BRI3BP: variants seen among roughly 807,000 people sequenced by gnomAD.
The protein encoded by BRI3BP is BRI3 binding protein.
BRI3BP carries 7 observed loss-of-function variants against 15.8 expected under a neutral mutation model. The observed-to-expected ratio is 0.44, with a 90% CI of 0.25 to 0.83. BRI3BP has a LOEUF of 0.83. Among genes scored for constraint, BRI3BP ranks in the 40% least tolerant of loss-of-function variants. BRI3BP has a pLI of 0.20. For missense variants in BRI3BP, 320 were observed against 339.3 expected, an observed-to-expected ratio of 0.94 and a Z score of 0.45; for synonymous variants, 192 against 163.5, an observed-to-expected ratio of 1.17 and a Z score of -1.33.
the BRI3BP span, among the ~76,000 whole-genome samples, chr12:125,047,931 A>C: frequency 6.6e-6 from 1 of 150,682 alleles, no homozygotes; most frequent in African/African-American, 2.4e-5. Context: ...CCCTGACCTC[A>C]GGTGAACTGC....
rs1471404796 is a variant in BRI3BP, at chr12:124,999,712, G to C, written c.213+5709G>C. Among the ~76,000 whole-genome samples the C allele has an allele frequency of 4.7e-5, 7 of 150,316 alleles. 1 individual carries two copies. In the Admixed American group the frequency reaches 4.7e-4, roughly 10 times the overall value. On this transcript the variant is annotated intron_variant, in intron 1 of 2. Coordinates refer to ENST00000341446, the MANE Select transcript of BRI3BP (RefSeq NM_080626.6). Reference sequence around the variant, plus strand: ...GGCTCACTGCAAGCTCCACCTCCTGGGTTCATGCCATTCTTCTGCTTCAGC... The same window carrying C: ...GGCTCACTGCAAGCTCCACCTCCTGCGTTCATGCCATTCTTCTGCTTCAGC...
chr12:125,048,034 A>G, the BRI3BP span, among the ~76,000 whole-genome samples: 1 of 134,390 alleles, frequency 7.4e-6, no homozygotes, highest in Non-Finnish European at 1.7e-5. Context: ...AAAAAAAAAA[A>G]AGATTTTAAG....
chr12:125,018,981 C>T (rs1459165318), intron 2 of BRI3BP, among the ~76,000 whole-genome samples: 1 of 152,124 alleles, frequency 6.6e-6, no homozygotes, highest in Non-Finnish European at 1.5e-5. Flanking sequence ...GCCTCGGCCT[C>T]CTGAGTAGCT....
intron 1 of BRI3BP, among the ~76,000 whole-genome samples, chr12:125,008,975 G>GA (rs146674245): frequency 4.8e-5 from 7 of 146,188 alleles, no homozygotes; most frequent in East Asian, 4.0e-4. Flanking sequence ...ACACTCCTAT[G>GA]AAAATTTTTT....
At chr12:125,043,496 C>T in the BRI3BP span, among the ~76,000 whole-genome samples, 1 of 152,000 alleles carries the variant, frequency 6.6e-6, no homozygotes, top group Non-Finnish European at 1.5e-5. Context: ...AGGCCAAGGC[C>T]CAGGAATTCG....
intron 2 of BRI3BP, among the ~76,000 whole-genome samples, chr12:125,024,387 A>G (rs1955329422): frequency 6.6e-6 from 1 of 152,078 alleles, no homozygotes; most frequent in Admixed American, 6.6e-5. Flanking sequence ...GGGAGCACAG[A>G]GCCAGTCCAT....
chr12:125,036,502 A>T, the BRI3BP span, among the ~76,000 whole-genome samples: 2 of 152,202 alleles, frequency 1.3e-5, no homozygotes, highest in Admixed American at 6.6e-5. Context: ...AATGTAGATA[A>T]TGCTAGGTTT....
At chr12:125,019,184 A>G (rs11615393) in intron 2 of BRI3BP, among the ~76,000 whole-genome samples, 11,273 of 152,168 alleles carry the variant, frequency 0.074, 474 homozygotes, top group Admixed American at 0.11. Context: ...CTACTTGGCC[A>G]TGGCAGCGCT....
chr12:124,999,395 A>G (rs1193793514), intron 1 of BRI3BP, among the ~76,000 whole-genome samples: 1 of 151,978 alleles, frequency 6.6e-6, no homozygotes, highest in Non-Finnish European at 1.5e-5. Flanking sequence ...GTTTTTGTTT[A>G]TTTTGCACTA....
At chr12:125,022,504 G>A (rs1475148053) in intron 2 of BRI3BP, among the ~76,000 whole-genome samples, 1 of 45,234 alleles carries the variant, frequency 2.2e-5, no homozygotes, top group African/African-American at 2.5e-4. Flanking sequence ...GATGTTATAT[G>A]GAATTGTTAA....
chr12:125,043,523 G>A, the BRI3BP span, among the ~76,000 whole-genome samples: 7 of 152,008 alleles, frequency 4.6e-5, no homozygotes, highest in East Asian at 1.4e-3. Context: ...GCCTGGGCAA[G>A]ATAATGAGAC....
At chr12:125,000,839 T>C (rs1281581672) in intron 1 of BRI3BP, among the ~76,000 whole-genome samples, 2 of 152,182 alleles carry the variant, frequency 1.3e-5, no homozygotes, top group African/African-American at 4.8e-5. Flanking sequence ...GTCTTAATAC[T>C]TTTTCCTACA....
At chr12:125,035,026 T>G (rs1308233343), downstream of BRI3BP, among the ~76,000 whole-genome samples, 2 of 152,240 alleles carry the variant, frequency 1.3e-5, no homozygotes, top group Admixed American at 6.5e-5. Context: ...TAGTTCACTC[T>G]TTTTCATTGC....
At chr12:125,008,852 A>G (rs1955171895) in intron 1 of BRI3BP, among the ~76,000 whole-genome samples, 1 of 152,188 alleles carries the variant, frequency 6.6e-6, no homozygotes, top group South Asian at 2.1e-4. Flanking sequence ...GCAACTAGAC[A>G]GTTGCATCTG....
In BRI3BP at chr12:125,025,222, A is replaced by T; in HGVS notation, c.548A>T (p.Asn183Ile). The change falls in exon 3 of 3, where the codon AAC (asparagine) becomes ATC (isoleucine). Residue 183 changes from asparagine (N) to isoleucine (I), a missense_variant. Coordinates refer to ENST00000341446, the MANE Select transcript of BRI3BP (RefSeq NM_080626.6). Reference protein sequence around the residue: ...ILHKYEGEPENAVLPLCFVVA... With the variant: ...ILHKYEGEPEIAVLPLCFVVA... ...CACAAGTACGAGGGCGAGCCGGAGA[A>T]CGCGGTGCTGCCGCTGTGCTTCGTG... The T allele has an allele frequency of 6.2e-7, 1 of 1,614,090 alleles. No homozygotes were observed. The highest frequency in any genetic ancestry group is 1.7e-5 in the Admixed American group (1 of 59,998).
At chr12:125,019,953 C>CTTTTTTT (rs71092263) in intron 2 of BRI3BP, among the ~76,000 whole-genome samples, 12 of 75,064 alleles carry the variant, frequency 1.6e-4, no homozygotes, top group East Asian at 3.4e-4. Flanking sequence ...CAACAACAGA[C>CTTTTTTT]TTTTTTTTTT....
chr12:125,009,682 C>T (rs552338831), intron 1 of BRI3BP, among the ~76,000 whole-genome samples: 4 of 152,210 alleles, frequency 2.6e-5, no homozygotes, highest in African/African-American at 9.6e-5. Context: ...AGCAGTCCTC[C>T]CACCTCAGCC....
rs1381341216 is a variant in BRI3BP at position 125,027,728 on chromosome 12, A to C, written c.*2298A>C. Reference sequence around the variant, plus strand: ...TTTTTGAGATGGAGTCTCACTGTCAACCAGGCTGGAGTGCAGTGGCACCAT... The same window carrying C: ...TTTTTGAGATGGAGTCTCACTGTCACCCAGGCTGGAGTGCAGTGGCACCAT... On this transcript the variant is annotated 3_prime_UTR_variant, in exon 3 of 3. Transcript: ENST00000341446. 1 of 151,904 alleles carries C rather than the reference A, an allele frequency of 6.6e-6. No individual in the cohort carries two copies. Among genetic ancestry groups the C allele is most frequent in the Non-Finnish European group, 1.5e-5 (1 of 67,984 alleles). 9.4% of individuals were successfully genotyped at this position (151,904 alleles called of 1,614,324 possible).
At chr12:125,035,394 CTTTT>C (rs55943185), downstream of BRI3BP, among the ~76,000 whole-genome samples, 25 of 131,906 alleles carry the variant, frequency 1.9e-4, no homozygotes, top group Admixed American at 3.9e-4. Flanking sequence ...TAGGTATTGT[CTTTT>C]TTTTTTTTTT....
Sources: gnomAD v4.1 joint callset for allele counts (sites outside exome capture counted in the v4.1 genomes callset) on GRCh38, gnomAD v4.1.1 for gene constraint, MANE v1.5 for transcripts, NCBI Gene and HGNC (gene_info 2026-07-23, HGNC 2026-07-21) for gene names.